Variants in DYNC2H1 observed in about 807,000 individuals in gnomAD.
DYNC2H1 encodes dynein cytoplasmic 2 heavy chain 1.
A neutral mutation model predicts 570.0 loss-of-function variants in DYNC2H1; 410 were observed. That is an observed-to-expected ratio of 0.72 (90% CI 0.66 to 0.78). The LOEUF (loss-of-function observed/expected upper bound fraction) is 0.78. Among genes scored for constraint, DYNC2H1 ranks in the 30% least tolerant of loss-of-function variants. The pLI, the probability that DYNC2H1 is intolerant of heterozygous loss-of-function variation, is 0.00. For synonymous variants in DYNC2H1, 1,688 were observed against 1,677.6 expected, an observed-to-expected ratio of 1.01 and a Z score of -0.15; for missense variants, 4,865 against 5,046.4, an observed-to-expected ratio of 0.96 and a Z score of 1.09.
intron 83 of DYNC2H1, among the ~76,000 whole-genome samples, chr11:103,360,574 T>A (rs1358660450): frequency 1.3e-5 from 2 of 152,020 alleles, no homozygotes; most frequent in Admixed American, 1.3e-4. Flanking sequence ...TGGTCATTTA[T>A]AATATATGAT....
At chr11:103,138,203 A>G (rs1159284037) in intron 17 of DYNC2H1, among the ~76,000 whole-genome samples, 1 of 152,112 alleles carries the variant, frequency 6.6e-6, no homozygotes, top group Non-Finnish European at 1.5e-5. Flanking sequence ...TCTTTCCCTA[A>G]TTGAATACCC....
In DYNC2H1 at chr11:103,270,278, T is replaced by C. The variant is rs1469596456; in HGVS notation, c.10696-10070T>C. Among the ~76,000 whole-genome samples, 3 of 151,732 alleles carry C rather than the reference T, an allele frequency of 2.0e-5. No individual in the cohort carries two copies. The South Asian group carries it at 6.3e-4, about 32-fold the overall frequency. ...GAGCATGTGCAGTAGTCATCTCTTA[T>C]CTATGGGGGATACAATCCAAGACAC... On this transcript the variant is annotated intron_variant, in intron 70 of 88. Transcript: ENST00000375735.
intron 12 of DYNC2H1, among the ~76,000 whole-genome samples, chr11:103,128,140 T>C (rs778937182): frequency 1.2e-4 from 18 of 152,244 alleles, no homozygotes; most frequent in Non-Finnish European, 2.1e-4. Flanking sequence ...AAGGCAAGTT[T>C]GGCTCATTCT....
chr11:103,166,458 C>T (rs905975220), intron 31 of DYNC2H1, among the ~76,000 whole-genome samples: 5 of 152,112 alleles, frequency 3.3e-5, no homozygotes, highest in Non-Finnish European at 7.4e-5. Context: ...AGGTTTCCTT[C>T]TGGTGTCATT....
intron 83 of DYNC2H1, among the ~76,000 whole-genome samples, chr11:103,362,328 T>C (rs866897101): frequency 2.3e-4 from 11 of 47,994 alleles, no homozygotes; most frequent in African/African-American, 5.3e-4. Context: ...TTCTTTTTTT[T>C]TTTTCTTTTT....
In DYNC2H1 at chr11:103,304,610, G is replaced by A. The variant is rs1409469302; in HGVS notation, c.11272G>A (p.Gly3758Ser). ...GCTTTTGTAGGTTGCCATGGGTCAA[G>A]GTCAAGCTGATTTAGCAATTCAAAT... The part of the protein sequence containing the change: ...ECYHQVAMGQ[G>S]QADLAIQMLK... Residue 3758 changes from glycine (G) to serine (S), a missense_variant, in exon 77 of 89, where the codon GGT becomes AGT. By Grantham distance (56) the Gly-to-Ser change is moderately conservative (BLOSUM62 0). This residue lies in a region of DYNC2H1 where 2,401 missense variants were observed against 2,454.6 expected (regional missense o/e 0.98). Transcript: ENST00000375735. The A allele has an allele frequency of 6.2e-7, 1 of 1,612,536 alleles. No homozygotes were observed. Among genetic ancestry groups the A allele is most frequent in the East Asian group, 2.2e-5 (1 of 44,808 alleles).
intron 70 of DYNC2H1, among the ~76,000 whole-genome samples, chr11:103,272,154 C>T (rs1389930653): frequency 6.6e-6 from 1 of 152,160 alleles, no homozygotes; most frequent in Non-Finnish European, 1.5e-5. Context: ...CTCACAATAG[C>T]AAAGACTTGG....
At chr11:103,457,753 G>A (rs1000968267) in intron 87 of DYNC2H1, among the ~76,000 whole-genome samples, 4 of 152,142 alleles carry the variant, frequency 2.6e-5, no homozygotes, top group African/African-American at 9.7e-5. Context: ...AGGATTACAG[G>A]CATGAGCTAT....
chr11:103,249,137 A>G lies in DYNC2H1; in HGVS notation c.10042+3763A>G, dbSNP rs1295300690. Among the ~76,000 whole-genome samples the G allele has an allele frequency of 2.0e-5, 3 of 152,046 alleles. 1 individual carries two copies. Among genetic ancestry groups the G allele is most frequent in the Non-Finnish European group, 2.9e-5 (2 of 67,958 alleles). On this transcript the variant is annotated intron_variant, in intron 65 of 88. Coordinates refer to ENST00000375735, the MANE Select transcript of DYNC2H1 (RefSeq NM_001377.3). This position sits in a 1 kb window ranked among gnomAD's most constrained non-coding sequence, Gnocchi z 4.6. Reference sequence around the variant, plus strand: ...TACAGTTAAGACTGTGTTGGACTCTATAGTTCTACATTTGATATTTTCTAT... The same window carrying G: ...TACAGTTAAGACTGTGTTGGACTCTGTAGTTCTACATTTGATATTTTCTAT...
intron 40 of DYNC2H1, 129 bp from the exon 41 acceptor site, chr11:103,184,767 C>A (rs897871111): frequency 1.4e-5 from 11 of 803,110 alleles, no homozygotes; most frequent in Non-Finnish European, 2.0e-5. Flanking sequence ...AAACTTTCTA[C>A]AGTTTGAATA....
intron 83 of DYNC2H1, among the ~76,000 whole-genome samples, chr11:103,391,042 C>A (rs1942124127): frequency 6.6e-6 from 1 of 152,168 alleles, no homozygotes; most frequent in Non-Finnish European, 1.5e-5. Flanking sequence ...GAATGTTGGC[C>A]TGTCTTGCTA....
chr11:103,323,840 A>C, intron 81 of DYNC2H1, 46 bp from the exon 82 acceptor site: 3 of 1,393,238 alleles, frequency 2.2e-6, no homozygotes, highest in South Asian at 2.6e-5. Context: ...TTGTAAGTTC[A>C]ATCTTTATTT....
chr11:103,412,395 A>G (rs1164682221), intron 84 of DYNC2H1, among the ~76,000 whole-genome samples: 1 of 152,198 alleles, frequency 6.6e-6, no homozygotes, highest in Non-Finnish European at 1.5e-5. Flanking sequence ...ATTGTAAAAT[A>G]GTTATCTTCT....
intron 17 of DYNC2H1, among the ~76,000 whole-genome samples, chr11:103,139,961 A>G (rs1859811502): frequency 1.3e-5 from 2 of 152,122 alleles, no homozygotes; most frequent in African/African-American, 4.8e-5. Flanking sequence ...TCCATTTACC[A>G]TCATGTAATG....
chr11:103,235,599 A>T, intron 61 of DYNC2H1, 73 bp from the exon 62 acceptor site: 1 of 1,413,064 alleles, frequency 7.1e-7, no homozygotes, highest in Non-Finnish European at 9.3e-7. Flanking sequence ...AGTCAAAACC[A>T]TAAAACTGTC....
chr11:103,215,516 T>C (rs1863342834), intron 54 of DYNC2H1, among the ~76,000 whole-genome samples: 1 of 152,226 alleles, frequency 6.6e-6, no homozygotes, highest in African/African-American at 2.4e-5. Flanking sequence ...TTAAAACCTC[T>C]GTGGGATCTT....
chr11:103,149,203 ATACTAT>A (rs1565343560), intron 20 of DYNC2H1, among the ~76,000 whole-genome samples: 1 of 152,248 alleles, frequency 6.6e-6, no homozygotes, highest in Non-Finnish European at 1.5e-5. Flanking sequence ...TAAATAATTC[ATACTAT>A]TACCTTTAGA....
intron 88 of DYNC2H1, among the ~76,000 whole-genome samples, chr11:103,470,421 T>C (rs1329602739): frequency 9.0e-6 from 1 of 111,158 alleles, no homozygotes; most frequent in Non-Finnish European, 2.0e-5. Context: ...CTTTTTACTC[T>C]TTTTCTTTTT....
intron 84 of DYNC2H1, among the ~76,000 whole-genome samples, chr11:103,426,396 G>C (rs549337299): frequency 6.6e-6 from 1 of 152,122 alleles, no homozygotes; most frequent in African/African-American, 2.4e-5. Flanking sequence ...CAACCAAGCT[G>C]GTCTTAGCAG....
Sources: allele counts gnomAD v4.1 joint callset (sites outside exome capture counted in the v4.1 genomes callset), GRCh38; gene constraint gnomAD v4.1.1; regional missense constraint gnomAD v4.1.1; non-coding constraint Gnocchi (gnomAD v3.1); transcripts MANE v1.5; gene names NCBI Gene and HGNC (gene_info 2026-07-23, HGNC 2026-07-21).